STK24: variants seen among roughly 807,000 people sequenced by gnomAD.
STK24 encodes the protein serine/threonine-protein kinase 24.
Under a neutral mutation model 55.6 loss-of-function variants are expected in STK24, and 21 were observed. The observed-to-expected ratio is 0.38, with a 90% CI of 0.27 to 0.54. The LOEUF is 0.54. Among genes scored for constraint, STK24 ranks in the 20% least tolerant of loss-of-function variants. The pLI is 0.79. For missense variants in STK24, 383 were observed against 538.4 expected (o/e 0.71, Z 2.86); for synonymous variants, 200 against 215.2 (o/e 0.93, Z 0.62).
intron 3 of STK24, among the ~76,000 whole-genome samples, chr13:98,475,739 C>A (rs1323037631): frequency 1.3e-5 from 2 of 152,084 alleles, no homozygotes; most frequent in Non-Finnish European, 2.9e-5. Context: ...CCTCAGGGTG[C>A]CCCTCTGGCC....
rs1320209637 is a variant in STK24 at position 98,451,466 on chromosome 13, AG to A, written c.*1706del. 2 of 152,220 alleles carry A rather than the reference AG, an allele frequency of 1.3e-5. No individual in the cohort carries two copies. Among genetic ancestry groups the A allele is most frequent in the Non-Finnish European group, 2.9e-5 (2 of 68,042 alleles). The allele number at this position is 152,220 out of a possible 1,614,324, so 9.4% of individuals were successfully genotyped here. ...AAATATATCCCTTATACAAATTAAG[AG>A]TTCAACCCAAATCCACTTCTAATAA... On this transcript the variant is annotated 3_prime_UTR_variant, in exon 11 of 11. Transcript: ENST00000539966.
rs55720452 is a variant in STK24, at chr13:98,538,222, C to CTTTTTTTTT, written c.43-18758_43-18750dup. ...AGGTCAATCACTGCTTTGGTGCTTG[C>CTTTTTTTTT]TTTTTTTTTTTTTTTTTTTTTGAGA... is the stretch of plus-strand genomic sequence containing the variant. On this transcript the variant is annotated intron_variant, in intron 1 of 10. Coordinates refer to ENST00000539966, the MANE Select transcript of STK24 (RefSeq NM_001032296.4). Among the ~76,000 whole-genome samples the CTTTTTTTTT allele has an allele frequency of 2.4e-4, 22 of 91,636 alleles. 2 individuals carry two copies. Among genetic ancestry groups the CTTTTTTTTT allele is most frequent in the East Asian group, 7.2e-4 (2 of 2,788 alleles). The allele number at this position is 91,636 out of a possible 152,430, so 60.1% of individuals were successfully genotyped here.
chr13:98,531,701 T>A (rs146180160), intron 1 of STK24, among the ~76,000 whole-genome samples: 1 of 152,144 alleles, frequency 6.6e-6, no homozygotes, highest in African/African-American at 2.4e-5. Flanking sequence ...AGGAACAAAT[T>A]TGAATCCCTG....
intron 2 of STK24, among the ~76,000 whole-genome samples, chr13:98,499,923 G>A (rs1190926469): frequency 1.3e-5 from 2 of 152,214 alleles, no homozygotes; most frequent in African/African-American, 4.8e-5. Context: ...GGATAACACA[G>A]TGTTAATCAG....
intron 1 of STK24, among the ~76,000 whole-genome samples, chr13:98,520,839 A>G (rs769525181): frequency 5.3e-5 from 8 of 152,238 alleles, no homozygotes; most frequent in Non-Finnish European, 1.0e-4. Flanking sequence ...CGCCACAATG[A>G]CACACGAGCA....
chr13:98,495,997 T>G (rs578224433), intron 2 of STK24, among the ~76,000 whole-genome samples: 1 of 152,320 alleles, frequency 6.6e-6, no homozygotes, highest in East Asian at 1.9e-4. Flanking sequence ...CTTCTCCCTC[T>G]CCCAGAAGTT....
intron 5 of STK24, among the ~76,000 whole-genome samples, chr13:98,471,564 C>T (rs575289757): frequency 2.0e-5 from 3 of 152,268 alleles, no homozygotes; most frequent in African/African-American, 7.2e-5. Flanking sequence ...GTTCTTACGA[C>T]ATATGGGCAA....
chr13:98,550,722 G>GT (rs1032474231), intron 1 of STK24, among the ~76,000 whole-genome samples: 4 of 151,420 alleles, frequency 2.6e-5, no homozygotes, highest in African/African-American at 9.8e-5. Flanking sequence ...GGGCTCAAAG[G>GT]TAAAAAAATA....
intron 5 of STK24, among the ~76,000 whole-genome samples, chr13:98,467,386 T>TATAATTAAATGTTCTCAGCTGTTCA (rs1893965897): frequency 6.6e-6 from 1 of 152,152 alleles, no homozygotes; most frequent in Non-Finnish European, 1.5e-5. Flanking sequence ...TAATGTCATG[T>TATAATTAAATGTTCTCAGCTGTTCA]ATAATTAAAT....
intron 2 of STK24, among the ~76,000 whole-genome samples, chr13:98,499,610 G>A (rs977520827): frequency 4.6e-5 from 7 of 151,856 alleles, no homozygotes; most frequent in Admixed American, 2.6e-4. Flanking sequence ...GAGAAGGAGA[G>A]GGGGCAGGCC....
rs571033513 is a variant in STK24 at position 98,488,114 on chromosome 13, G to A, written c.274-5793C>T. Among the ~76,000 whole-genome samples, 195 of 151,428 alleles carry A rather than the reference G, an allele frequency of 1.3e-3. 3 individuals are homozygous for A. In the South Asian group the frequency reaches 0.016, roughly 12 times the overall value. ...TGACTGAGTTGCAATGAGCTCATTAGGGTGGGCCCTGATCCAATACGGCTG... is the reference window on the plus strand; with the variant it reads ...TGACTGAGTTGCAATGAGCTCATTAAGGTGGGCCCTGATCCAATACGGCTG... On this transcript the variant is annotated intron_variant, in intron 2 of 10. Transcript: ENST00000539966.
chr13:98,547,007 G>C (rs558310891), intron 1 of STK24, among the ~76,000 whole-genome samples: 12 of 152,084 alleles, frequency 7.9e-5, no homozygotes, highest in African/African-American at 2.7e-4. Context: ...CGCTTCCCAG[G>C]TTCAAGCAAT....
chr13:98,519,120 G>T, intron 2 of STK24, 123 bp downstream of exon 2: 1 of 742,516 alleles, frequency 1.3e-6, no homozygotes, highest in Non-Finnish European at 2.3e-6. Context: ...GATCACGAAG[G>T]TCAAAACATC....
chr13:98,460,912 A>G (rs6491427), intron 8 of STK24, among the ~76,000 whole-genome samples: 35,978 of 151,476 alleles, frequency 0.24, 4,537 homozygotes, highest in Non-Finnish European at 0.29. Context: ...ACTGGGCGTG[A>G]TGTCACATGC....
intron 6 of STK24, 39 bp downstream of exon 6, chr13:98,466,337 G>T (rs376907908): frequency 6.3e-7 from 1 of 1,595,632 alleles, no homozygotes; most frequent in South Asian, 1.1e-5. Context: ...AAGTCAAGCC[G>T]CACATGAAGA....
intron 1 of STK24, among the ~76,000 whole-genome samples, chr13:98,549,395 G>T (rs1299268651): frequency 6.6e-6 from 1 of 152,184 alleles, no homozygotes; most frequent in East Asian, 1.9e-4. Flanking sequence ...GACCTCTTTT[G>T]TGAGGGCACT....
intron 5 of STK24, among the ~76,000 whole-genome samples, chr13:98,468,488 G>A (rs1175475955): frequency 6.6e-6 from 1 of 152,206 alleles, no homozygotes; most frequent in East Asian, 1.9e-4. Context: ...AGCGACAGGA[G>A]GACAGGAGTG....
intron 10 of STK24, chr13:98,454,178 G>C (rs1215964501): frequency 6.6e-6 from 1 of 152,198 alleles, no homozygotes; most frequent in Non-Finnish European, 1.5e-5. Flanking sequence ...TTTATGACCT[G>C]GTATGACAAC....
intron 7 of STK24, among the ~76,000 whole-genome samples, chr13:98,462,533 C>G (rs747672732): frequency 6.6e-6 from 1 of 152,140 alleles, no homozygotes; most frequent in African/African-American, 2.4e-5. Flanking sequence ...CACCTCCTCC[C>G]GCCCCTCGGC....
Sources: allele counts gnomAD v4.1 joint callset (sites outside exome capture counted in the v4.1 genomes callset), GRCh38; gene constraint gnomAD v4.1.1; transcripts MANE v1.5; gene names NCBI Gene and HGNC (gene_info 2026-07-23, HGNC 2026-07-21).